The following RAPGEF1 variants were observed in gnomAD, a reference collection of about 807,000 sequenced individuals.
The protein encoded by RAPGEF1 is CRK SH3-binding GNRP.
Under a neutral mutation model 143.3 loss-of-function variants are expected in RAPGEF1, and 33 were observed. The ratio of observed to expected loss-of-function variants is 0.23; its 90% CI spans 0.17 to 0.31. The LOEUF (loss-of-function observed/expected upper bound fraction) is 0.31. Ranked by LOEUF, RAPGEF1 falls within the 10% of genes least tolerant of loss-of-function variation. The pLI, the probability that RAPGEF1 is intolerant of heterozygous loss-of-function variation, is 1.00. For missense variants in RAPGEF1, 1,199 were observed against 1,645.4 expected (o/e 0.73, Z 4.69); for synonymous variants, 629 against 676.5 (o/e 0.93, Z 1.09).
At chr9:131,627,074 C>A (rs765206518) in intron 9 of RAPGEF1, among the ~76,000 whole-genome samples, 5 of 151,904 alleles carry the variant, frequency 3.3e-5, no homozygotes, top group Non-Finnish European at 7.4e-5. Flanking sequence ...ATTAGCCGGG[C>A]GTGGTGGCAC....
intron 12 of RAPGEF1, among the ~76,000 whole-genome samples, chr9:131,605,599 CT>C (rs1564506652): frequency 6.6e-6 from 1 of 152,154 alleles, no homozygotes; most frequent in African/African-American, 2.4e-5. Flanking sequence ...GGTTTTATTC[CT>C]TAAGAGTCAA....
chr9:131,724,114 G>A (rs1836464384), intron 1 of RAPGEF1, among the ~76,000 whole-genome samples: 1 of 152,204 alleles, frequency 6.6e-6, no homozygotes, highest in South Asian at 2.1e-4. Flanking sequence ...GCCGAGAGAA[G>A]ACAGAGGTGA....
At chr9:131,673,179 T>C (rs1244137595) in intron 1 of RAPGEF1, among the ~76,000 whole-genome samples, 2 of 152,182 alleles carry the variant, frequency 1.3e-5, no homozygotes, top group Admixed American at 1.3e-4. Flanking sequence ...TCTGAAAAAG[T>C]GCACCCAAAA....
At chr9:131,673,994 T>C (rs1308658737) in intron 1 of RAPGEF1, among the ~76,000 whole-genome samples, 1 of 152,234 alleles carries the variant, frequency 6.6e-6, no homozygotes, top group Non-Finnish European at 1.5e-5. Flanking sequence ...ATCCGTGGAC[T>C]GAATCTATAA....
intron 1 of RAPGEF1, among the ~76,000 whole-genome samples, chr9:131,685,875 C>G (rs1308159970): frequency 6.6e-6 from 1 of 152,124 alleles, no homozygotes; most frequent in Non-Finnish European, 1.5e-5. Flanking sequence ...TTTGGACAAA[C>G]AGAGAGGCAG....
chr9:131,661,277 C>T (rs569729717), intron 1 of RAPGEF1, among the ~76,000 whole-genome samples: 2 of 152,336 alleles, frequency 1.3e-5, no homozygotes, highest in East Asian at 1.9e-4. Context: ...ATCATGCAAT[C>T]GACACCCATG....
At position 131,650,020 on chromosome 9, in the gene RAPGEF1, G is replaced by T. The variant is rs1970686279; in HGVS notation, c.315+109C>A. 5 of 869,996 alleles carry T rather than the reference G, an allele frequency of 5.7e-6. No individual in the cohort carries two copies. Among genetic ancestry groups the T allele is most frequent in the Non-Finnish European group, 5.3e-6 (3 of 567,962 alleles). The allele number at this position is 869,996 out of a possible 1,614,324, so 53.9% of individuals were successfully genotyped here. A position where few individuals can be genotyped will look rare whatever the true frequency, so the allele number is the denominator to read the frequency against. On this transcript the variant is annotated intron_variant, in intron 3 of 26. Transcript: ENST00000683357. The surrounding 1 kb of genome is among the most constrained non-coding windows in gnomAD (Gnocchi z 4.7). ...CAATTCAGCCCACGGTCACCACCCAGTTGAACATAATAATAGTGCAATAGA... is the reference window on the plus strand; with the variant it reads ...CAATTCAGCCCACGGTCACCACCCATTTGAACATAATAATAGTGCAATAGA...
At chr9:131,607,803 G>A (rs931500003) in intron 12 of RAPGEF1, among the ~76,000 whole-genome samples, 14 of 152,066 alleles carry the variant, frequency 9.2e-5, no homozygotes, top group Non-Finnish European at 1.5e-5. Context: ...CCTCATCGGC[G>A]CCCCCGTGTA....
intron 25 of RAPGEF1, among the ~76,000 whole-genome samples, chr9:131,580,676 T>C (rs558373630): frequency 7.9e-5 from 12 of 152,036 alleles, no homozygotes; most frequent in African/African-American, 2.9e-4. Flanking sequence ...AGCTGTGGGC[T>C]GCTAAAGTAA....
At chr9:131,652,994 TG>T (rs1416803334) in intron 1 of RAPGEF1, among the ~76,000 whole-genome samples, 4 of 152,218 alleles carry the variant, frequency 2.6e-5, no homozygotes, top group Admixed American at 2.6e-4. Context: ...GATTATCTTA[TG>T]GGACCATAAG....
intron 3 of RAPGEF1, among the ~76,000 whole-genome samples, chr9:131,645,406 G>A (rs560324645): frequency 6.6e-6 from 1 of 152,336 alleles, no homozygotes; most frequent in South Asian, 2.1e-4. Context: ...AAGATGGGAG[G>A]CACTCGAAAG....
chr9:131,710,745 C>T (rs946546170), intron 1 of RAPGEF1, among the ~76,000 whole-genome samples: 9 of 152,048 alleles, frequency 5.9e-5, no homozygotes, highest in African/African-American at 1.9e-4. Context: ...AAAAATTAGC[C>T]GGGCGTGGTG....
chr9:131,686,355 C>T (rs769923954), intron 1 of RAPGEF1, among the ~76,000 whole-genome samples: 4 of 152,312 alleles, frequency 2.6e-5, no homozygotes. Context: ...CATTCTGTTC[C>T]AATGCTGAAG....
At chr9:131,603,092 G>A (rs1956536898) in intron 14 of RAPGEF1, among the ~76,000 whole-genome samples, 1 of 152,192 alleles carries the variant, frequency 6.6e-6, no homozygotes, top group African/African-American at 2.4e-5. Flanking sequence ...ACTCTTCAAT[G>A]TTCTATAACC....
Position 131,584,566 on chromosome 9 carries a change from C to G in RAPGEF1, c.3264G>C (p.Lys1088Asn). The G allele has an allele frequency of 6.2e-7, 1 of 1,613,972 alleles. No individual in the cohort carries two copies. The highest frequency in any genetic ancestry group is 8.5e-7 in the Non-Finnish European group (1 of 1,179,888). Residue 1088 changes from lysine (K) to asparagine (N), a missense_variant, in exon 23 of 27, where the codon AAG becomes AAC. Lys to Asn is a moderately conservative substitution (Grantham distance 94). Coordinates refer to ENST00000683357, the MANE Select transcript of RAPGEF1 (RefSeq NM_001377935.1). The surrounding 1 kb of genome is among the most constrained non-coding windows in gnomAD (Gnocchi z 6.8). ...WVRSIIMLQE[K>N]AQDRERLLLK... Reference sequence around the variant, plus strand: ...AGAGCAGCCGTTCCCTGTCCTGGGCCTTTTCCTGTAACATGATTATGGACC... The same window carrying G: ...AGAGCAGCCGTTCCCTGTCCTGGGCGTTTTCCTGTAACATGATTATGGACC...
intron 1 of RAPGEF1, among the ~76,000 whole-genome samples, chr9:131,728,419 T>C (rs1056799908): frequency 1.3e-5 from 2 of 152,202 alleles, no homozygotes; most frequent in Admixed American, 6.5e-5. Context: ...GCAAAAAATA[T>C]ACCTGTTGGT....
At chr9:131,660,491 G>T (rs1973745362) in intron 1 of RAPGEF1, among the ~76,000 whole-genome samples, 1 of 150,764 alleles carries the variant, frequency 6.6e-6, no homozygotes, top group African/African-American at 2.4e-5. Flanking sequence ...CCATGTGAGT[G>T]CAGTTAATGG....
At position 131,630,270 on chromosome 9, in the gene RAPGEF1, C is replaced by G. The variant is rs541315585; in HGVS notation, c.706G>C (p.Val236Leu). ...KQGRPSPTSP[V>L]KPSSPASKPD... ...TTGCTGGCAGGGGAACTGGGCTTCA[C>G]GGGGCTCGTCGGAGACGGACGTCCC... Residue 236 changes from valine to leucine, a missense_variant, in exon 6 of 27, where the codon GTG (valine) becomes CTG (leucine). By Grantham distance (32) the Val-to-Leu change is conservative. Transcript: ENST00000683357. The G allele has an allele frequency of 1.2e-6, 2 of 1,613,600 alleles. No homozygotes were observed. The highest frequency in any genetic ancestry group is 1.7e-6 in the Non-Finnish European group (2 of 1,179,822).
Position 131,722,341 on chromosome 9 carries a change from C to T in RAPGEF1, c.61+17429G>A, listed in dbSNP as rs78862595. Among the ~76,000 whole-genome samples the T allele has an allele frequency of 8.4e-4, 128 of 152,320 alleles. No homozygotes were observed. In the East Asian group the frequency reaches 0.015, roughly 18 times the overall value. On this transcript the variant is annotated intron_variant, in intron 1 of 26. Coordinates refer to ENST00000683357, the MANE Select transcript of RAPGEF1 (RefSeq NM_001377935.1). ...TTTCCCCTCCCCCAAGCCAGTGATA[C>T]CTTCTCAAGAACGTGGCGATAGCCT...
Sources: allele counts gnomAD v4.1 joint callset (sites outside exome capture counted in the v4.1 genomes callset), GRCh38; gene constraint gnomAD v4.1.1; non-coding constraint Gnocchi (gnomAD v3.1); transcripts MANE v1.5; gene names NCBI Gene and HGNC (gene_info 2026-07-23, HGNC 2026-07-21).